The following GMNC variants were observed in gnomAD, a reference collection of about 807,000 sequenced individuals.
GMNC encodes the protein geminin coiled-coil domain-containing protein 1.
In GMNC, 16 loss-of-function variants were observed where a neutral mutation model predicts 33.6. The ratio of observed to expected loss-of-function variants is 0.48; its 90% CI spans 0.32 to 0.72. The LOEUF (loss-of-function observed/expected upper bound fraction) is 0.72. Among genes scored for constraint, GMNC ranks in the 30% least tolerant of loss-of-function variants. The pLI, the probability that GMNC is intolerant of heterozygous loss-of-function variation, is 0.03. For synonymous variants in GMNC, 156 were observed against 147.3 expected, an observed-to-expected ratio of 1.06 and a Z score of -0.43; for missense variants, 393 against 388.9, an observed-to-expected ratio of 1.01 and a Z score of -0.09.
the GMNC span, among the ~76,000 whole-genome samples, chr3:190,844,280 G>GA: frequency 0.01 from 1,594 of 151,958 alleles, 28 homozygotes; most frequent in African/African-American, 0.037. Context: ...AAATGACAGG[G>GA]AAAAAATGTC....
downstream of GMNC, among the ~76,000 whole-genome samples, chr3:190,851,936 G>A (rs1372173454): frequency 3.3e-5 from 5 of 151,690 alleles, no homozygotes; most frequent in Non-Finnish European, 7.4e-5. Context: ...TTTAACAATT[G>A]CAGGATATTT....
chr3:190,845,508 C>CTTTTTTTTT, the GMNC span, among the ~76,000 whole-genome samples: 217 of 125,778 alleles, frequency 1.7e-3, 4 homozygotes, highest in African/African-American at 6.4e-3. Flanking sequence ...ATTTTGAAAC[C>CTTTTTTTTT]TTTTTTTTTT....
downstream of GMNC, among the ~76,000 whole-genome samples, chr3:190,852,391 A>G (rs187505615): frequency 1.3e-4 from 20 of 152,254 alleles, 1 homozygote; most frequent in African/African-American, 4.1e-4. Context: ...GTCTTAAATA[A>G]TCTCATTTAT....
intron 3 of GMNC, among the ~76,000 whole-genome samples, 199 bp downstream of exon 3, chr3:190,858,729 G>C (rs1459143686): frequency 6.6e-6 from 1 of 152,172 alleles, no homozygotes; most frequent in Non-Finnish European, 1.5e-5. Context: ...CTTGACTGCA[G>C]GCCTTTCTAG....
chr3:190,860,452 A>G (rs538115382), intron 2 of GMNC, among the ~76,000 whole-genome samples: 2 of 152,346 alleles, frequency 1.3e-5, no homozygotes, highest in Admixed American at 1.3e-4. Flanking sequence ...CAAGAACTGT[A>G]AATTGTAGGG....
intron 2 of GMNC, chr3:190,859,746 A>G (rs9855583): frequency 0.36 from 150,438 of 416,862 alleles, 30,120 homozygotes; most frequent in African/African-American, 0.63. Flanking sequence ...CATACTAACC[A>G]GGTCTACTTT....
chr3:190,844,341 T>G, the GMNC span, among the ~76,000 whole-genome samples: 2 of 152,016 alleles, frequency 1.3e-5, no homozygotes, highest in African/African-American at 4.8e-5. Context: ...CGCTTTTTGT[T>G]GTTTATCTAG....
chr3:190,850,819 T>C (rs190277275), downstream of GMNC, among the ~76,000 whole-genome samples: 18 of 152,286 alleles, frequency 1.2e-4, no homozygotes, highest in African/African-American at 4.1e-4. Flanking sequence ...ATGTGGCCCA[T>C]ATAACACTTA....
the GMNC span, among the ~76,000 whole-genome samples, chr3:190,847,531 G>A: frequency 6.6e-6 from 1 of 152,126 alleles, no homozygotes; most frequent in East Asian, 1.9e-4. Context: ...CTGAACTTCT[G>A]CAGTGTTTCA....
Position 190,862,464 on chromosome 3 carries a change from G to C in GMNC, c.3+149C>G. 5.7e-6 allele frequency: 4 copies of C among 707,180 alleles called. No homozygotes were observed. Among genetic ancestry groups the C allele is most frequent in the Non-Finnish European group, 1.0e-5 (4 of 384,036 alleles). 43.8% of individuals were successfully genotyped at this position (707,180 alleles called of 1,614,324 possible). Reference sequence around the variant, plus strand: ...AAAGCAGATAGAGGATACTAAAAGAGACACAGGGCAGCAGAGAGGATCTGT... The same window carrying C: ...AAAGCAGATAGAGGATACTAAAAGACACACAGGGCAGCAGAGAGGATCTGT... On this transcript the variant is annotated intron_variant, in intron 1 of 4. Coordinates refer to ENST00000442080, the MANE Select transcript of GMNC (RefSeq NM_001146686.3). This position sits in a 1 kb window ranked among gnomAD's most constrained non-coding sequence, Gnocchi z 4.5.
In GMNC at chr3:190,861,197, G is replaced by A. The variant is rs935350304; in HGVS notation, c.4-339C>T. Among the ~76,000 whole-genome samples the A allele has an allele frequency of 6.6e-6, 1 of 152,038 alleles. No individual in the cohort carries two copies. Among genetic ancestry groups the A allele is most frequent in the African/African-American group, 2.4e-5 (1 of 41,408 alleles). ...TAGTCTACCCAGATCTAAATAAAGG[G>A]AATTCTACTTAATGATTCAAAACCA... On this transcript the variant is annotated intron_variant, in intron 1 of 4. Transcript: ENST00000442080. This position sits in a 1 kb window ranked among gnomAD's most constrained non-coding sequence, Gnocchi z 5.1.
chr3:190,855,050 G>A lies in GMNC; in HGVS notation c.*245C>T. On this transcript the variant is annotated 3_prime_UTR_variant, in exon 5 of 5. Coordinates refer to ENST00000442080, the MANE Select transcript of GMNC (RefSeq NM_001146686.3). Reference sequence around the variant, plus strand: ...CTTATCAAGTATAGGGCAAAGAGAGGATGTCAATAGCAGGTATTGGTGTGT... The same window carrying A: ...CTTATCAAGTATAGGGCAAAGAGAGAATGTCAATAGCAGGTATTGGTGTGT... 4.0e-6 allele frequency: 2 copies of A among 503,508 alleles called. No homozygotes were observed. Among genetic ancestry groups the A allele is most frequent in the South Asian group, 4.7e-5 (2 of 42,518 alleles). The allele number at this position is 503,508 out of a possible 1,614,324, so 31.2% of individuals were successfully genotyped here. A position where few individuals can be genotyped will look rare whatever the true frequency, so the allele number is the denominator to read the frequency against.
chr3:190,845,327 G>A, the GMNC span, among the ~76,000 whole-genome samples: 2 of 152,008 alleles, frequency 1.3e-5, no homozygotes, highest in East Asian at 1.9e-4. Flanking sequence ...GCATTAGTCC[G>A]TTCCCACACT....
chr3:190,857,716 C>A (rs943344412), intron 4 of GMNC, 67 bp downstream of exon 4: 4 of 820,708 alleles, frequency 4.9e-6, no homozygotes, highest in African/African-American at 3.4e-5. Context: ...AGGAGTTTTA[C>A]ATAAATCATT....
rs186128359 is a variant in GMNC at position 190,855,634 on chromosome 3, T to C, written c.666A>G (p.Thr222=). 16 of 1,551,544 alleles carry C rather than the reference T, an allele frequency of 1.0e-5. No individual in the cohort carries two copies. In the African/African-American group the frequency reaches 1.8e-4, roughly 17 times the overall value. Residue 222 remains threonine, a synonymous_variant, in exon 5 of 5, where the codon ACA becomes ACG. Coordinates refer to ENST00000442080, the MANE Select transcript of GMNC (RefSeq NM_001146686.3). ...CTGCATCATCCGGAAACTGGGAAAA[T>C]GTGCTGGCGACTCTTCTGGGATGAG... The part of the protein sequence containing the change: ...LASHPRRVAS[T]FSQFPDDAVD...
chr3:190,857,399 C>T (rs1293274683), intron 4 of GMNC, among the ~76,000 whole-genome samples: 1 of 151,996 alleles, frequency 6.6e-6, no homozygotes, highest in Non-Finnish European at 1.5e-5. Flanking sequence ...AAGTGAGGAT[C>T]TAAGTAAGAA....
chr3:190,850,553 G>A (rs1737617501), downstream of GMNC, among the ~76,000 whole-genome samples: 1 of 152,184 alleles, frequency 6.6e-6, no homozygotes. Flanking sequence ...GTTCCTATGG[G>A]GTGACCTGGG....
chr3:190,855,973 T>C (rs1737725019), intron 4 of GMNC, 58 bp from the exon 5 acceptor site: 4 of 1,308,178 alleles, frequency 3.1e-6, no homozygotes, highest in Middle Eastern at 2.6e-4. Context: ...GTTAACTAAA[T>C]TATTTCGGAA....
At chr3:190,856,426 A>ATAT (rs1346265504) in intron 4 of GMNC, among the ~76,000 whole-genome samples, 4 of 142,504 alleles carry the variant, frequency 2.8e-5, no homozygotes, top group African/African-American at 1.1e-4. Context: ...AATAAATATT[A>ATAT]ATTTATATAA....
Sources: gnomAD v4.1 joint callset for allele counts (sites outside exome capture counted in the v4.1 genomes callset) on GRCh38, gnomAD v4.1.1 for gene constraint, Gnocchi (gnomAD v3.1) non-coding constraint, MANE v1.5 for transcripts, NCBI Gene and HGNC (gene_info 2026-07-23, HGNC 2026-07-21) for gene names.